XRN1: variants seen among roughly 807,000 people sequenced by gnomAD.
XRN1 encodes strand-exchange protein 1 homolog.
In XRN1, 67 loss-of-function variants were observed where a neutral mutation model predicts 222.3. The ratio of observed to expected loss-of-function variants is 0.30; its 90% confidence interval spans 0.25 to 0.37. The LOEUF (loss-of-function observed/expected upper bound fraction) is 0.37, where lower values mean the gene tolerates loss of function less well. Among genes scored for constraint, XRN1 ranks in the 10% least tolerant of loss-of-function variants. XRN1 has a pLI of 1.00. For missense variants in XRN1, 1,707 were observed against 2,000.2 expected (o/e 0.85, Z 2.80); for synonymous variants, 643 against 652.4 (o/e 0.99, Z 0.22).
rs2066173833 is a variant in XRN1 at position 142,347,341 on chromosome 3, C to A, written c.3770G>T (p.Gly1257Val). The A allele has an allele frequency of 6.4e-7, 1 of 1,553,792 alleles. No individual in the cohort carries two copies. The highest frequency in any genetic ancestry group is 8.7e-7 in the Non-Finnish European group (1 of 1,153,982). ...GCTTATTTCTTGAGGTAGAACTGCA[C>A]CCTGAAAATTAAAATTCTTATAAAT... is the stretch of plus-strand genomic sequence containing the variant. ...QYFQPTIQEKGAVLPQEISQV... is the reference protein window; with the variant it reads ...QYFQPTIQEKVAVLPQEISQV... The change falls in exon 33 of 41, where the codon GGT becomes GTT. Residue 1257 changes from glycine to valine, a missense_variant and splice_region_variant. Transcript: ENST00000392981.
Position 142,421,540 on chromosome 3 carries a change from T to C in XRN1, c.971A>G (p.Tyr324Cys), listed in dbSNP as rs775786735. ...GTTGAGGTGCCCACTTTCATTAATA[T>C]AACCTAAAAGAAACAAAAATTTAAA... ...YVTILPELGG[Y>C]INESGHLNLP... Residue 324 changes from tyrosine to cysteine, a missense_variant, in exon 9 of 41, where the codon TAT (tyrosine) becomes TGT (cysteine). Coordinates refer to ENST00000392981, the MANE Select transcript of XRN1 (RefSeq NM_001282857.2). 17 of 1,607,692 alleles carry C rather than the reference T, an allele frequency of 1.1e-5. No individual in the cohort carries two copies. The highest frequency in any genetic ancestry group is 1.4e-5 in the Non-Finnish European group (16 of 1,177,432).
intron 13 of XRN1, among the ~76,000 whole-genome samples, chr3:142,416,905 G>A (rs527281787): frequency 6.6e-6 from 1 of 151,478 alleles, no homozygotes; most frequent in South Asian, 2.1e-4. Flanking sequence ...GGTGGCGCAT[G>A]CCTGTAATCC....
intron 23 of XRN1, among the ~76,000 whole-genome samples, chr3:142,379,792 C>T (rs1203498665): frequency 6.6e-6 from 1 of 152,142 alleles, no homozygotes; most frequent in Non-Finnish European, 1.5e-5. Context: ...TAAATCTGTT[C>T]CCAGAGGGTG....
intron 1 of XRN1, among the ~76,000 whole-genome samples, chr3:142,444,327 G>T (rs2070396008): frequency 6.6e-6 from 1 of 152,056 alleles, no homozygotes; most frequent in Admixed American, 6.5e-5. Context: ...AAAAACACAG[G>T]CCAGGCACGG....
At chr3:142,405,699 T>G (rs1171902081) in intron 15 of XRN1, among the ~76,000 whole-genome samples, 1 of 152,094 alleles carries the variant, frequency 6.6e-6, no homozygotes, top group Admixed American at 6.6e-5. Context: ...TAGAGTTCAA[T>G]AATAGACCCA....
chr3:142,347,186 A>G (rs750134263), intron 33 of XRN1, 48 bp downstream of exon 33: 9 of 1,243,262 alleles, frequency 7.2e-6, no homozygotes, highest in Non-Finnish European at 9.2e-6. Flanking sequence ...TTATTTTTTT[A>G]AAAAAGAAGC....
intron 20 of XRN1, among the ~76,000 whole-genome samples, chr3:142,386,064 G>GA (rs1443129416): frequency 3.3e-5 from 5 of 151,782 alleles, no homozygotes; most frequent in Admixed American, 1.3e-4. Flanking sequence ...AAGTTGGTCT[G>GA]AAAAAAGTCA....
chr3:142,422,623 A>G lies in XRN1; in HGVS notation c.926T>C (p.Leu309Pro). The G allele has an allele frequency of 6.2e-7, 1 of 1,613,694 alleles. No individual in the cohort carries two copies. Among genetic ancestry groups the G allele is most frequent in the Admixed American group, 1.7e-5 (1 of 59,986 alleles). The change falls in exon 8 of 41, where the codon CTT becomes CCT. Residue 309 changes from leucine (L) to proline (P), a missense_variant. By Grantham distance (98) the Leu-to-Pro change is moderately conservative. Around this residue, in one of 2 missense-constraint regions of XRN1, gnomAD observed 1,234 missense variants for 1,518.2 expected, o/e 0.81. Transcript: ENST00000392981. ...HLHINHDALP[L>P]LYGTYVTILP... is the part of the protein sequence containing the mutation. ...GATGGTAACATATGTTCCATAAAGAAGAGGCAGTGCATCATGATTAATATG... is the reference window on the plus strand; with the variant it reads ...GATGGTAACATATGTTCCATAAAGAGGAGGCAGTGCATCATGATTAATATG...
At chr3:142,356,010 G>C (rs557846507) in intron 31 of XRN1, among the ~76,000 whole-genome samples, 1 of 152,212 alleles carries the variant, frequency 6.6e-6, no homozygotes, top group South Asian at 2.1e-4. Context: ...AGTGAAACTG[G>C]TGTTCTTTAT....
intron 22 of XRN1, among the ~76,000 whole-genome samples, chr3:142,380,542 A>C (rs2067273199): frequency 6.6e-6 from 1 of 152,062 alleles, no homozygotes; most frequent in Non-Finnish European, 1.5e-5. Context: ...CATTCAGGCT[A>C]AAGTGGTGGG....
chr3:142,379,518 A>C (rs1413230487), intron 23 of XRN1, among the ~76,000 whole-genome samples: 1 of 152,218 alleles, frequency 6.6e-6, no homozygotes. Context: ...ATTTTAGCTA[A>C]TTATCCAACC....
chr3:142,410,668 G>GC (rs2068539526), intron 15 of XRN1, among the ~76,000 whole-genome samples: 1 of 151,452 alleles, frequency 6.6e-6, no homozygotes, highest in Non-Finnish European at 1.5e-5. Context: ...CTAATTTTTG[G>GC]TATTTTTAGT....
chr3:142,376,610 C>T lies in XRN1; in HGVS notation c.2716-16G>A. On this transcript the variant is annotated splice_polypyrimidine_tract_variant and intron_variant, in intron 23 of 40. Transcript: ENST00000392981. ...TAGAATATTTCTTTAAATATAAAAA[C>T]AAAAAGGTCAATTATGGAAACACAA... The T allele has an allele frequency of 6.5e-7, 1 of 1,539,324 alleles. No individual in the cohort carries two copies. The highest frequency in any genetic ancestry group is 1.8e-5 in the Admixed American group (1 of 55,120).
intron 5 of XRN1, 44 bp downstream of exon 5, chr3:142,425,178 T>C (rs771931675): frequency 1.1e-5 from 14 of 1,327,388 alleles, no homozygotes; most frequent in Non-Finnish European, 1.4e-5. Flanking sequence ...CTTAGATATT[T>C]AACTATCAAT....
intron 20 of XRN1, among the ~76,000 whole-genome samples, chr3:142,391,743 A>C (rs1213913135): frequency 1.3e-5 from 1 of 77,364 alleles, no homozygotes; most frequent in African/African-American, 3.7e-5. Flanking sequence ...CACTAAAAAA[A>C]AAAAAAATAT....
intron 37 of XRN1, among the ~76,000 whole-genome samples, chr3:142,324,309 C>G (rs543491289): frequency 6.9e-6 from 1 of 144,366 alleles, no homozygotes; most frequent in African/African-American, 2.6e-5. Flanking sequence ...TGTGTTCTCA[C>G]TGTTCAATTC....
chr3:142,442,239 G>C (rs994107030), intron 1 of XRN1, among the ~76,000 whole-genome samples: 3 of 152,216 alleles, frequency 2.0e-5, no homozygotes, highest in African/African-American at 7.2e-5. Flanking sequence ...GAAGCCATTA[G>C]GAAATTATTA....
intron 13 of XRN1, 68 bp downstream of exon 13, chr3:142,417,072 A>G: frequency 8.3e-7 from 1 of 1,206,992 alleles, no homozygotes; most frequent in Non-Finnish European, 1.2e-6. Context: ...AGTGCTTCCT[A>G]AATAAGACTC....
intron 30 of XRN1, among the ~76,000 whole-genome samples, chr3:142,359,099 AC>A (rs2066544951): frequency 6.6e-6 from 1 of 152,196 alleles, no homozygotes; most frequent in Non-Finnish European, 1.5e-5. Context: ...GCAAGTTTAC[AC>A]CATGGTGCCT....
Sources: gnomAD v4.1 joint callset for allele counts (sites outside exome capture counted in the v4.1 genomes callset) on GRCh38, gnomAD v4.1.1 for gene constraint, gnomAD v4.1.1 regional missense constraint, MANE v1.5 for transcripts, NCBI Gene and HGNC (gene_info 2026-07-23, HGNC 2026-07-21) for gene names.